Variants in LAMC3 observed in about 807,000 individuals in gnomAD.
LAMC3 encodes the protein laminin subunit gamma 3.
Under a neutral mutation model 173.8 loss-of-function variants are expected in LAMC3, and 128 were observed. The observed-to-expected ratio is 0.74, with a 90% CI of 0.64 to 0.85. LAMC3 has a LOEUF of 0.85. LAMC3 is among the 40% of genes least tolerant of loss of function. LAMC3 has a pLI of 0.00. For missense variants in LAMC3, 2,022 were observed against 2,156.0 expected (o/e 0.94, Z 1.23); for synonymous variants, 897 against 909.1 (o/e 0.99, Z 0.24).
chr9:131,010,293 C>T (rs751558278), intron 1 of LAMC3, among the ~76,000 whole-genome samples: 5 of 151,666 alleles, frequency 3.3e-5, no homozygotes, highest in African/African-American at 7.3e-5. Context: ...CACTGTGCTA[C>T]AGCCTGGGCT....
chr9:131,090,310 C>T (rs1265668609), intron 27 of LAMC3, among the ~76,000 whole-genome samples: 1 of 152,210 alleles, frequency 6.6e-6, no homozygotes, highest in Admixed American at 6.5e-5. Flanking sequence ...TTGTGCTTGG[C>T]CTGGGGATGC....
intron 12 of LAMC3, among the ~76,000 whole-genome samples, chr9:131,059,440 C>T (rs1476146045): frequency 7.7e-6 from 1 of 129,042 alleles, no homozygotes; most frequent in Non-Finnish European, 1.6e-5. Context: ...TGCAGTGAGC[C>T]GAGATCGCGC....
At chr9:131,048,981 C>A (rs1220871822) in intron 8 of LAMC3, 39 bp from the exon 9 acceptor site, 5 of 1,335,642 alleles carry the variant, frequency 3.7e-6, no homozygotes, top group Non-Finnish European at 5.2e-6. Flanking sequence ...CCCTCCGGGG[C>A]CTCACACTGA....
chr9:131,046,177 C>T, intron 8 of LAMC3, among the ~76,000 whole-genome samples: 1 of 136,116 alleles, frequency 7.3e-6, no homozygotes, highest in South Asian at 2.3e-4. Flanking sequence ...CTGAGTTTTG[C>T]TCCTTTTTTT....
At chr9:131,045,280 GT>G (rs1325794049) in intron 7 of LAMC3, among the ~76,000 whole-genome samples, 1 of 151,680 alleles carries the variant, frequency 6.6e-6, no homozygotes, top group Non-Finnish European at 1.5e-5. Context: ...CTGGAGTTTA[GT>G]TAACTTAGTT....
Position 131,093,527 on chromosome 9 carries a change from A to G in LAMC3, c.*1740A>G, listed in dbSNP as rs1239216824. 1 of 152,350 alleles carries G rather than the reference A, an allele frequency of 6.6e-6. No individual in the cohort carries two copies. The highest frequency in any genetic ancestry group is 1.5e-5 in the Non-Finnish European group (1 of 68,172). The allele number at this position is 152,350 out of a possible 1,614,324, so 9.4% of individuals were successfully genotyped here. A position where few individuals can be genotyped will look rare whatever the true frequency, so the allele number is the denominator to read the frequency against. ...CAGGGTTGGGGCTCGGCCAGCTTGC[A>G]TCACTCCAGGACCCCAGGTTGAATG... On this transcript the variant is annotated 3_prime_UTR_variant, in exon 28 of 28. Transcript: ENST00000361069.
intron 1 of LAMC3, among the ~76,000 whole-genome samples, chr9:131,017,155 G>A (rs556894840): frequency 2.6e-5 from 4 of 152,248 alleles, no homozygotes; most frequent in East Asian, 1.9e-4. Flanking sequence ...ATGTGTATTC[G>A]CTAAAGGATG....
intron 6 of LAMC3, among the ~76,000 whole-genome samples, chr9:131,039,636 G>A (rs1279327365): frequency 6.6e-6 from 1 of 151,996 alleles, no homozygotes; most frequent in Admixed American, 6.5e-5. Context: ...GCTACAGCAG[G>A]AACGCCTGGG....
intron 13 of LAMC3, among the ~76,000 whole-genome samples, chr9:131,066,180 AC>A (rs781666149): frequency 1.2e-4 from 17 of 146,016 alleles, no homozygotes; most frequent in Admixed American, 4.8e-4. Context: ...GGGTGACAGG[AC>A]GAGACTGCAT....
chr9:131,050,146 A>T (rs921847941), intron 9 of LAMC3, among the ~76,000 whole-genome samples: 2 of 152,242 alleles, frequency 1.3e-5, no homozygotes, highest in African/African-American at 4.8e-5. Context: ...CTCTGCTGGC[A>T]TATGTAAGAA....
chr9:131,064,687 T>A (rs1181307184), intron 13 of LAMC3, among the ~76,000 whole-genome samples: 1 of 141,600 alleles, frequency 7.1e-6, no homozygotes, highest in Non-Finnish European at 1.5e-5. Context: ...AAAAGAAATG[T>A]ACATACTCAT....
At chr9:131,071,741 C>A in intron 18 of LAMC3, 116 bp downstream of exon 18, 1 of 1,009,378 alleles carries the variant, frequency 9.9e-7, no homozygotes, top group Non-Finnish European at 1.4e-6. Flanking sequence ...TTGCCATGGG[C>A]CTTTACTTCC....
intron 3 of LAMC3, among the ~76,000 whole-genome samples, chr9:131,032,936 G>A (rs185623824): frequency 1.3e-5 from 2 of 152,350 alleles, no homozygotes; most frequent in Admixed American, 6.5e-5. Context: ...CCAAAGTGCT[G>A]GGATTACAGG....
chr9:131,036,400 C>T, intron 4 of LAMC3, 68 bp downstream of exon 4: 4 of 1,578,424 alleles, frequency 2.5e-6, no homozygotes, highest in Non-Finnish European at 3.5e-6. Context: ...AAAGGAACTC[C>T]CCAAAACGTC....
chr9:131,028,217 G>GC (rs1378665196), intron 2 of LAMC3, among the ~76,000 whole-genome samples: 19 of 152,308 alleles, frequency 1.2e-4, no homozygotes, highest in African/African-American at 4.6e-4. Context: ...GTGCCTGATG[G>GC]TCTGAGGTGG....
chr9:131,085,834 C>T (rs1830323175), intron 25 of LAMC3, 111 bp downstream of exon 25: 1 of 1,019,742 alleles, frequency 9.8e-7, no homozygotes, highest in African/African-American at 1.6e-5. Flanking sequence ...ACTCACTGCT[C>T]AGTGGGCCCA....
At chr9:131,011,210 C>T (rs1229584105) in intron 1 of LAMC3, among the ~76,000 whole-genome samples, 2 of 152,198 alleles carry the variant, frequency 1.3e-5, no homozygotes, top group East Asian at 1.9e-4. Flanking sequence ...AGGCCTGCAT[C>T]GTCTTTCTAA....
intron 12 of LAMC3, among the ~76,000 whole-genome samples, chr9:131,057,567 G>T (rs1363374820): frequency 6.6e-6 from 1 of 152,172 alleles, no homozygotes; most frequent in Non-Finnish European, 1.5e-5. Context: ...TCTCAAGAAG[G>T]TCACACAGGT....
chr9:131,090,468 C>T (rs962866243), intron 27 of LAMC3, among the ~76,000 whole-genome samples: 3 of 152,164 alleles, frequency 2.0e-5, no homozygotes, highest in Admixed American at 1.3e-4. Context: ...TGAGGTCCTC[C>T]TAGGTCAGCA....
Sources: gnomAD v4.1 joint callset for allele counts (sites outside exome capture counted in the v4.1 genomes callset) on GRCh38, gnomAD v4.1.1 for gene constraint, MANE v1.5 for transcripts, NCBI Gene and HGNC (gene_info 2026-07-23, HGNC 2026-07-21) for gene names.